Variants in JAKMIP2 observed in about 807,000 individuals in gnomAD.
JAKMIP2 encodes janus kinase and microtubule interacting protein 2.
Under a neutral mutation model 115.0 loss-of-function variants are expected in JAKMIP2, and 25 were observed. The observed-to-expected ratio is 0.22, with a 90% CI of 0.16 to 0.30. The LOEUF (loss-of-function observed/expected upper bound fraction) is 0.30, where lower values mean the gene tolerates loss of function less well. Among genes scored for constraint, JAKMIP2 ranks in the 10% least tolerant of loss-of-function variants. The pLI is 1.00. For missense variants in JAKMIP2, 642 were observed against 957.6 expected, an observed-to-expected ratio of 0.67 and a Z score of 4.35; for synonymous variants, 334 against 343.6, an observed-to-expected ratio of 0.97 and a Z score of 0.31.
intron 5 of JAKMIP2, among the ~76,000 whole-genome samples, chr5:147,647,079 A>C (rs1758169928): frequency 6.6e-6 from 1 of 152,046 alleles, no homozygotes. Context: ...ACATTGCTAA[A>C]ATTGACTGTA....
rs1758015381 is a variant in JAKMIP2, at chr5:147,644,181, G to C, written c.1101C>G (p.Ser367=). The stretch of plus-strand genomic sequence containing the variant: ...ATTTTAATTTCTTCAGGGGTGGATG[G>C]GATGTTATTTTTTCTCTCTGGATTG... ...ENSEMREKIT[S]HPPLKKLKSL... Residue 367 remains serine, a synonymous_variant, in exon 7 of 22, where the codon TCC becomes TCG. Transcript: ENST00000616793. 2.5e-6 allele frequency: 4 copies of C among 1,585,286 alleles called. No homozygotes were observed. Among genetic ancestry groups the C allele is most frequent in the Non-Finnish European group, 3.4e-6 (4 of 1,159,750 alleles).
chr5:147,619,956 A>G (rs938812007), intron 18 of JAKMIP2, among the ~76,000 whole-genome samples: 2 of 152,246 alleles, frequency 1.3e-5, no homozygotes, highest in Non-Finnish European at 2.9e-5. Flanking sequence ...TATGCATAAC[A>G]AACATTAAAC....
At chr5:147,659,770 C>G (rs1259904575) in intron 3 of JAKMIP2, among the ~76,000 whole-genome samples, 2 of 152,116 alleles carry the variant, frequency 1.3e-5, no homozygotes, top group Non-Finnish European at 2.9e-5. Context: ...TGTGTTTGGT[C>G]TTTATTGTCA....
rs148666685 is a variant in JAKMIP2 at position 147,636,980 on chromosome 5, C to T, written c.1599G>A (p.Leu533=). 1.4e-4 allele frequency: 121 copies of T among 872,842 alleles called. No homozygotes were observed. Among genetic ancestry groups the T allele is most frequent in the Non-Finnish European group, 1.7e-4 (85 of 501,692 alleles). The allele number at this position is 872,842 out of a possible 1,614,324, so 54.1% of individuals were successfully genotyped here. A position where few individuals can be genotyped will look rare whatever the true frequency, so the allele number is the denominator to read the frequency against. ...AAATGCCTACCTGCCCTTTCTGAGC[C>T]AGAGTCGCTTCCAGGTCTTCAATTT... ...KAKIEDLEAT[L]AQKGQDSHWV... Residue 533 remains leucine, a synonymous_variant, in exon 11 of 22, where the codon CTG becomes CTA. Transcript: ENST00000616793.
intron 3 of JAKMIP2, among the ~76,000 whole-genome samples, chr5:147,653,102 C>T (rs769315995): frequency 1.3e-5 from 2 of 152,032 alleles, no homozygotes; most frequent in Non-Finnish European, 2.9e-5. Flanking sequence ...CTTATTCAGT[C>T]TATATAATTG....
At chr5:147,727,195 C>A (rs76020321) in intron 1 of JAKMIP2, among the ~76,000 whole-genome samples, 1 of 152,332 alleles carries the variant, frequency 6.6e-6, no homozygotes, top group Non-Finnish European at 1.5e-5. Flanking sequence ...CTGCTAACCA[C>A]CTCTTTGAAA....
At chr5:147,697,006 T>A (rs1332110167) in intron 1 of JAKMIP2, among the ~76,000 whole-genome samples, 1 of 152,078 alleles carries the variant, frequency 6.6e-6, no homozygotes, top group Non-Finnish European at 1.5e-5. Flanking sequence ...ATTTGCAGGC[T>A]GATGATGCAA....
rs116540295 is a variant in JAKMIP2, at chr5:147,628,766, C to T, written c.1980G>A (p.Leu660=). 455 of 1,613,110 alleles carry T rather than the reference C, an allele frequency of 2.8e-4. No individual in the cohort carries two copies. In the African/African-American group the frequency reaches 5.2e-3, roughly 18 times the overall value. ...GGCTCATTACCTTCTCTGCCAGGGA[C>T]AGCACAGTGCTGGCCTGAATTATGG... ...QVAIIQASTV[L]SLAEKWIQQI... The change falls in exon 16 of 22, where the codon CTG becomes CTA. Residue 660 remains leucine (L), a synonymous_variant. Coordinates refer to ENST00000616793, the MANE Select transcript of JAKMIP2 (RefSeq NM_001270941.2).
intron 17 of JAKMIP2, 31 bp from the exon 18 acceptor site, chr5:147,620,774 G>C: frequency 6.6e-7 from 1 of 1,513,538 alleles, no homozygotes; most frequent in Non-Finnish European, 9.2e-7. Flanking sequence ...GATAGAGTCA[G>C]CTTAGTTAAC....
intron 21 of JAKMIP2, among the ~76,000 whole-genome samples, chr5:147,598,850 A>G (rs1755545845): frequency 6.6e-6 from 1 of 152,200 alleles, no homozygotes; most frequent in African/African-American, 2.4e-5. Flanking sequence ...AAAAAAATTT[A>G]TCGTAATTTG....
intron 1 of JAKMIP2, among the ~76,000 whole-genome samples, chr5:147,728,830 A>G (rs1432826): frequency 0.018 from 2,795 of 152,240 alleles, 114 homozygotes; most frequent in African/African-American, 0.064. Flanking sequence ...AAAATTGTTC[A>G]GCTTACCTGC....
chr5:147,691,261 T>G (rs1303399167), intron 1 of JAKMIP2, among the ~76,000 whole-genome samples: 1 of 152,150 alleles, frequency 6.6e-6, no homozygotes. Context: ...CCCTCTCCAT[T>G]GTGCACAGAT....
intron 3 of JAKMIP2, among the ~76,000 whole-genome samples, chr5:147,650,831 T>G (rs1327272799): frequency 6.6e-6 from 1 of 152,182 alleles, no homozygotes. Context: ...TGATTAGATA[T>G]GCAAAGGACA....
At chr5:147,630,190 T>C (rs1356659829) in intron 14 of JAKMIP2, among the ~76,000 whole-genome samples, 1 of 152,072 alleles carries the variant, frequency 6.6e-6, no homozygotes, top group Admixed American at 6.6e-5. Flanking sequence ...ATTAGCAAAA[T>C]TCTGACCTGA....
intron 1 of JAKMIP2, among the ~76,000 whole-genome samples, chr5:147,702,659 A>AGAAG (rs1561547691): frequency 2.6e-5 from 3 of 116,510 alleles, no homozygotes; most frequent in African/African-American, 8.3e-5. Context: ...AAAGAAAGAA[A>AGAAG]GAAAGAGAGA....
At position 147,630,249 on chromosome 5, in the gene JAKMIP2, T is replaced by A. The variant is rs187007584; in HGVS notation, c.1876-503A>T. On this transcript the variant is annotated intron_variant, in intron 14 of 21. Coordinates refer to ENST00000616793, the MANE Select transcript of JAKMIP2 (RefSeq NM_001270941.2). ...AAACTATAGTGCAGTACCATTTTTT[T>A]AAAGGTGGTTAGCATTAATTTCATC... Among the ~76,000 whole-genome samples, 48 of 152,302 alleles carry A rather than the reference T, an allele frequency of 3.2e-4. No homozygotes were observed. In the East Asian group the frequency reaches 3.3e-3, roughly 10 times the overall value.
At chr5:147,642,245 A>C (rs114912109) in intron 7 of JAKMIP2, among the ~76,000 whole-genome samples, 2,823 of 152,300 alleles carry the variant, frequency 0.019, 95 homozygotes, top group African/African-American at 0.064. Context: ...GTCCCTGAAA[A>C]TAGGACAGGG....
At chr5:147,715,892 G>T in intron 1 of JAKMIP2, among the ~76,000 whole-genome samples, 2 of 134,266 alleles carry the variant, frequency 1.5e-5, no homozygotes. Context: ...TGTGCACAAT[G>T]TGCAGGTTAG....
In JAKMIP2 at chr5:147,586,177, C is replaced by A. The variant is rs1754862517; in HGVS notation, c.*5530G>T. 1.3e-5 allele frequency: 2 copies of A among 151,982 alleles called. No individual in the cohort carries two copies. Among genetic ancestry groups the A allele is most frequent in the East Asian group, 3.9e-4 (2 of 5,176 alleles). The allele number at this position is 151,982 out of a possible 1,614,324, so 9.4% of individuals were successfully genotyped here. Reference sequence around the variant, plus strand: ...AAATGCTCGACAAAAACATGAGTTCCCAGCAGAAGCAGCAGCAGCGCAGAA... The same window carrying A: ...AAATGCTCGACAAAAACATGAGTTCACAGCAGAAGCAGCAGCAGCGCAGAA... On this transcript the variant is annotated 3_prime_UTR_variant, in exon 22 of 22. Transcript: ENST00000616793.
Sources: allele counts gnomAD v4.1 joint callset (sites outside exome capture counted in the v4.1 genomes callset), GRCh38; gene constraint gnomAD v4.1.1; transcripts MANE v1.5; gene names NCBI Gene and HGNC (gene_info 2026-07-23, HGNC 2026-07-21).